The following POF1B variants were observed in gnomAD, a reference collection of about 807,000 sequenced individuals.
POF1B encodes POF1B actin binding protein.
A neutral mutation model predicts 55.3 loss-of-function variants in POF1B; 53 were observed. That is an observed-to-expected ratio of 0.96 (90% CI 0.77 to 1.20). POF1B has a LOEUF of 1.20. POF1B is among the 50% of genes most tolerant of loss of function. The probability of loss-of-function intolerance (pLI) is 0.00; values close to 1 mark genes in which losing one functional copy is unlikely to be tolerated. For synonymous variants in POF1B, 188 were observed against 148.3 expected (o/e 1.27, Z -1.95); for missense variants, 478 against 420.5 (o/e 1.14, Z -1.20).
intron 3 of POF1B, among the ~76,000 whole-genome samples, chrX:85,362,005 A>G (rs1247487176): frequency 1.9e-5 from 2 of 106,310 alleles, no homozygotes; most frequent in Non-Finnish European, 3.9e-5. Context: ...TGTGTGTGGC[A>G]ATTGTGAAAG....
intron 6 of POF1B, among the ~76,000 whole-genome samples, chrX:85,340,731 A>C (rs189998122): frequency 2.7e-5 from 3 of 110,711 alleles, no homozygotes; most frequent in African/African-American, 9.8e-5. Context: ...AGTGACCAAA[A>C]TGTCAGTAGA....
At chrX:85,348,408 T>A (rs1933312574) in intron 5 of POF1B, among the ~76,000 whole-genome samples, 1 of 111,356 alleles carries the variant, frequency 9.0e-6, no homozygotes, top group Non-Finnish European at 1.9e-5. Context: ...ACAAATCATA[T>A]GAATTGGATA....
chrX:85,310,730 A>G (rs1932677952), intron 9 of POF1B, among the ~76,000 whole-genome samples: 1 of 111,791 alleles, frequency 8.9e-6, no homozygotes, highest in African/African-American at 3.2e-5. Context: ...GGTAACATAC[A>G]TATTCAAGAA....
chrX:85,315,744 C>CA lies in POF1B; in HGVS notation c.855-11dup, dbSNP rs771018824. The CA allele has an allele frequency of 1.2e-4, 139 of 1,140,696 alleles. No homozygotes were observed. The highest frequency in any genetic ancestry group is 3.5e-4 in the Admixed American group (13 of 36,909). The allele number at this position is 1,140,696 out of a possible 1,213,427, so 94.0% of individuals were successfully genotyped here. A position where few individuals can be genotyped will look rare whatever the true frequency, so the allele number is the denominator to read the frequency against. On this transcript the variant is annotated splice_polypyrimidine_tract_variant and intron_variant, in intron 7 of 16. Transcript: ENST00000262753. ...CTCAAAGTCCTGTTTGCTGCAAGAA[C>CA]AAAAAAAAAGATACACAACTTTAGG...
At chrX:85,319,782 T>C (rs767230346) in intron 7 of POF1B, among the ~76,000 whole-genome samples, 11 of 111,638 alleles carry the variant, frequency 9.9e-5, no homozygotes, top group Non-Finnish European at 3.8e-5. Context: ...TAGTATTTTA[T>C]TGGGGATTTT....
intron 6 of POF1B, among the ~76,000 whole-genome samples, chrX:85,341,632 T>C (rs1232781337): frequency 9.1e-6 from 1 of 110,327 alleles, no homozygotes; most frequent in African/African-American, 3.3e-5. Flanking sequence ...TCATTTTCAA[T>C]AATGGGATTG....
intron 15 of POF1B, among the ~76,000 whole-genome samples, chrX:85,284,863 A>G (rs780281628): frequency 8.9e-6 from 1 of 112,249 alleles, no homozygotes; most frequent in South Asian, 3.7e-4. Flanking sequence ...ATCAGAGTGA[A>G]CAGGCAACCT....
At chrX:85,336,587 G>A (rs192785509) in intron 6 of POF1B, among the ~76,000 whole-genome samples, 5 of 110,993 alleles carry the variant, frequency 4.5e-5, no homozygotes, top group East Asian at 5.8e-4. Context: ...TACACCTCCC[G>A]TTTGCCATTT....
chrX:85,326,118 C>T (rs749828781), intron 7 of POF1B, among the ~76,000 whole-genome samples: 25 of 112,068 alleles, frequency 2.2e-4, no homozygotes, highest in Non-Finnish European at 1.9e-5. Context: ...CACCATACTC[C>T]GTAGAGTGGT....
intron 6 of POF1B, among the ~76,000 whole-genome samples, chrX:85,345,196 A>T (rs950012867): frequency 9.0e-6 from 1 of 111,070 alleles, no homozygotes; most frequent in Non-Finnish European, 1.9e-5. Context: ...TATTAATATT[A>T]GTTTTACCAA....
chrX:85,315,880 AC>A, intron 7 of POF1B, 146 bp from the exon 8 acceptor site: 1 of 452,515 alleles, frequency 2.2e-6, no homozygotes, highest in Non-Finnish European at 3.4e-6. Flanking sequence ...AAATGTTAAA[AC>A]TAAAATGGCA....
chrX:85,331,389 A>G (rs1365861866), intron 6 of POF1B, among the ~76,000 whole-genome samples: 1 of 111,532 alleles, frequency 9.0e-6, no homozygotes, highest in Non-Finnish European at 1.9e-5. Context: ...TGGCTTATTC[A>G]TATGTCTCCT....
At chrX:85,293,223 G>T (rs762236646) in intron 15 of POF1B, among the ~76,000 whole-genome samples, 1 of 112,076 alleles carries the variant, frequency 8.9e-6, no homozygotes, top group African/African-American at 3.2e-5. Context: ...GCATTTATGC[G>T]TATGTTCACT....
chrX:85,356,434 T>C (rs1251011137), intron 4 of POF1B, among the ~76,000 whole-genome samples: 2 of 108,682 alleles, frequency 1.8e-5, no homozygotes, highest in Non-Finnish European at 3.8e-5. Flanking sequence ...TGTGCACATG[T>C]ACCCTAGAAC....
intron 7 of POF1B, among the ~76,000 whole-genome samples, chrX:85,330,458 A>C (rs1043346988): frequency 8.9e-6 from 1 of 111,747 alleles, no homozygotes; most frequent in African/African-American, 3.2e-5. Flanking sequence ...TAATATCATC[A>C]GTTTAATATC....
chrX:85,291,538 T>C (rs1034188957), intron 15 of POF1B, among the ~76,000 whole-genome samples: 1 of 112,364 alleles, frequency 8.9e-6, no homozygotes, highest in Non-Finnish European at 1.9e-5. Context: ...ATGGTCATTT[T>C]AACAATATTG....
chrX:85,332,509 A>G (rs1182017709), intron 6 of POF1B, among the ~76,000 whole-genome samples: 7 of 111,124 alleles, frequency 6.3e-5, no homozygotes. Flanking sequence ...ACTACTTTCA[A>G]CATTGCATGT....
At chrX:85,362,699 C>T (rs7056870) in intron 3 of POF1B, among the ~76,000 whole-genome samples, 2,462 of 110,928 alleles carry the variant, frequency 0.022, 65 homozygotes, top group African/African-American at 0.076. Flanking sequence ...TGGCCTGAAG[C>T]TTTCTCTTTT....
chrX:85,284,619 C>G (rs1367726129), intron 15 of POF1B, among the ~76,000 whole-genome samples: 3 of 106,440 alleles, frequency 2.8e-5, no homozygotes, highest in Non-Finnish European at 5.8e-5. Context: ...AAAGCTGAAA[C>G]TGGATCCCTT....
Sources: allele counts gnomAD v4.1 joint callset (sites outside exome capture counted in the v4.1 genomes callset), GRCh38; gene constraint gnomAD v4.1.1; transcripts MANE v1.5; gene names NCBI Gene and HGNC (gene_info 2026-07-23, HGNC 2026-07-21).